USH2A: variants seen among roughly 807,000 people sequenced by gnomAD.
USH2A encodes usherin, also known as Usher syndrome 2A (autosomal recessive, mild).
USH2A carries 443 observed loss-of-function variants against 538.9 expected under a neutral mutation model. The ratio of observed to expected loss-of-function variants is 0.82; its 90% CI spans 0.76 to 0.89. The LOEUF is 0.89. USH2A is among the 40% of genes least tolerant of loss of function. USH2A has a pLI of 0.00. For missense variants in USH2A, 6,633 were observed against 6,324.8 expected (o/e 1.05, Z -1.65); for synonymous variants, 2,413 against 2,273.5 (o/e 1.06, Z -1.75).
chr1:215,799,801 C>A (rs181546831), intron 49 of USH2A, among the ~76,000 whole-genome samples: 4 of 152,130 alleles, frequency 2.6e-5, no homozygotes, highest in Non-Finnish European at 5.9e-5. Flanking sequence ...GCCTGGCCAA[C>A]ATGGTGAAAC....
At chr1:216,100,646 G>T (rs946325644) in intron 21 of USH2A, among the ~76,000 whole-genome samples, 16 of 152,152 alleles carry the variant, frequency 1.1e-4, no homozygotes, top group African/African-American at 3.4e-4. Flanking sequence ...CATCTATGTG[G>T]CAGTAGAGAG....
chr1:215,785,370 C>T (rs756436078), intron 52 of USH2A, among the ~76,000 whole-genome samples: 7 of 152,136 alleles, frequency 4.6e-5, no homozygotes, highest in African/African-American at 1.4e-4. Flanking sequence ...TCCTGCACCA[C>T]GTGGAGTCTT....
intron 21 of USH2A, among the ~76,000 whole-genome samples, chr1:216,123,938 C>T (rs1281830384): frequency 6.6e-6 from 1 of 152,126 alleles, no homozygotes; most frequent in Admixed American, 6.6e-5. Flanking sequence ...TAGCCCTACA[C>T]TCATCTCCTC....
At chr1:215,681,576 A>G (rs1205351062) in intron 61 of USH2A, among the ~76,000 whole-genome samples, 2 of 152,180 alleles carry the variant, frequency 1.3e-5, no homozygotes, top group Non-Finnish European at 2.9e-5. Context: ...GCACCCAAGA[A>G]CATCAGAAAA....
intron 3 of USH2A, among the ~76,000 whole-genome samples, chr1:216,400,602 T>C (rs1012669322): frequency 1.3e-5 from 2 of 152,012 alleles, no homozygotes; most frequent in African/African-American, 4.8e-5. Context: ...TCTCATACAA[T>C]AGGATAAAAC....
chr1:216,084,188 C>T (rs1046407729), intron 25 of USH2A, among the ~76,000 whole-genome samples: 17 of 151,978 alleles, frequency 1.1e-4, no homozygotes, highest in Admixed American at 8.5e-4. Context: ...TACACCTCCC[C>T]TTTCATTGTA....
Position 215,758,642 on chromosome 1 carries a change from A to T in USH2A, c.11342T>A (p.Ile3781Asn). 2 of 1,613,440 alleles carry T rather than the reference A, an allele frequency of 1.2e-6. No homozygotes were observed. The highest frequency in any genetic ancestry group is 1.7e-6 in the Non-Finnish European group (2 of 1,179,824). Residue 3781 changes from isoleucine to asparagine, a missense_variant, in exon 58 of 72, where the codon ATC becomes AAC. Ile to Asn is a moderately radical substitution (Grantham distance 149). Transcript: ENST00000307340. Reference protein sequence around the residue: ...TPEEIYPPYNITVIGPYSIFV... With the variant: ...TPEEIYPPYNNTVIGPYSIFV... ...TATAGAATAAGGCCCAATTACTGTGATATTATATGGAGGATAGATTTCTTC... is the reference window on the plus strand; with the variant it reads ...TATAGAATAAGGCCCAATTACTGTGTTATTATATGGAGGATAGATTTCTTC...
chr1:216,088,917 T>C, intron 23 of USH2A, 96 bp downstream of exon 23: 4 of 1,558,328 alleles, frequency 2.6e-6, no homozygotes, highest in Non-Finnish European at 3.5e-6. Context: ...GAGTAGAAAT[T>C]ATGGTGAAAT....
intron 26 of USH2A, among the ~76,000 whole-genome samples, chr1:216,082,462 T>TATA (rs368540385): frequency 3.8e-5 from 5 of 132,612 alleles, no homozygotes; most frequent in African/African-American, 5.5e-5. Context: ...CTAGGAATGT[T>TATA]AAAAAAAAAA....
chr1:216,029,005 A>T (rs1049820209), intron 32 of USH2A, among the ~76,000 whole-genome samples: 1 of 152,124 alleles, frequency 6.6e-6, no homozygotes, highest in Admixed American at 6.6e-5. Context: ...ATTGTGGACA[A>T]TTTGAATTTT....
intron 3 of USH2A, among the ~76,000 whole-genome samples, chr1:216,378,204 A>G (rs908843198): frequency 1.3e-5 from 2 of 152,180 alleles, no homozygotes; most frequent in African/African-American, 4.8e-5. Context: ...TTAAATGGTG[A>G]AATACTTAAA....
chr1:215,737,464 G>A (rs1660187498), intron 60 of USH2A, among the ~76,000 whole-genome samples: 1 of 151,842 alleles, frequency 6.6e-6, no homozygotes, highest in African/African-American at 2.4e-5. Flanking sequence ...AGTGTTCCAT[G>A]AATATTCTAG....
At chr1:216,230,817 G>T (rs1454503228) in intron 14 of USH2A, among the ~76,000 whole-genome samples, 2 of 151,848 alleles carry the variant, frequency 1.3e-5, no homozygotes, top group Non-Finnish European at 2.9e-5. Context: ...GCTTCTCAGG[G>T]ATAGGAGCTT....
chr1:216,081,514 T>C (rs1434384871), intron 26 of USH2A, among the ~76,000 whole-genome samples: 1 of 152,154 alleles, frequency 6.6e-6, no homozygotes, highest in African/African-American at 2.4e-5. Context: ...GACTGCTTCC[T>C]TTCAGTTGCA....
intron 49 of USH2A, among the ~76,000 whole-genome samples, chr1:215,807,745 G>T (rs1662543551): frequency 6.6e-6 from 1 of 151,966 alleles, no homozygotes; most frequent in South Asian, 2.1e-4. Flanking sequence ...TAGCTTTTGG[G>T]AACTGGCTAT....
rs1385662604 is a variant in USH2A at position 215,757,128 on chromosome 1, CACT to C, written c.11389+1464_11389+1466del. On this transcript the variant is annotated intron_variant, in intron 58 of 71. Coordinates refer to ENST00000307340, the MANE Select transcript of USH2A (RefSeq NM_206933.4). ...TATAGCACTTTGTGATGCATTCTGCCACTACTAATTATTCCTTTATATTTTGTT... is the reference window on the plus strand; with the variant it reads ...TATAGCACTTTGTGATGCATTCTGCCACTAATTATTCCTTTATATTTTGTT... Among the ~76,000 whole-genome samples the C allele has an allele frequency of 2.0e-5, 3 of 152,092 alleles. No homozygotes were observed. The East Asian group carries it at 5.8e-4, about 29-fold the overall frequency.
At chr1:216,385,103 GC>G (rs1316463252) in intron 3 of USH2A, among the ~76,000 whole-genome samples, 1 of 152,118 alleles carries the variant, frequency 6.6e-6, no homozygotes, top group Non-Finnish European at 1.5e-5. Context: ...AAAAATTGAT[GC>G]AAAAATTGAA....
At chr1:216,233,981 A>T (rs1410579645) in intron 13 of USH2A, among the ~76,000 whole-genome samples, 1 of 152,238 alleles carries the variant, frequency 6.6e-6, no homozygotes, top group South Asian at 2.1e-4. Context: ...GAAGGATCAC[A>T]GAAGGATTCT....
intron 47 of USH2A, among the ~76,000 whole-genome samples, chr1:215,827,422 G>A (rs1260990380): frequency 1.3e-5 from 2 of 152,106 alleles, no homozygotes; most frequent in African/African-American, 2.4e-5. Context: ...GAGGAGTTTG[G>A]GAAGAAGAGG....
Sources: allele counts gnomAD v4.1 joint callset (sites outside exome capture counted in the v4.1 genomes callset), GRCh38; gene constraint gnomAD v4.1.1; transcripts MANE v1.5; gene names NCBI Gene and HGNC (gene_info 2026-07-23, HGNC 2026-07-21).